ZNF607: variants seen among roughly 807,000 people sequenced by gnomAD.
The protein encoded by ZNF607 is zinc finger protein 607.
In ZNF607, 5 loss-of-function variants were observed where a neutral mutation model predicts 12.8. The ratio of observed to expected loss-of-function variants is 0.39; its 90% confidence interval spans 0.20 to 0.82. The LOEUF (loss-of-function observed/expected upper bound fraction) is 0.82. Among genes scored for constraint, ZNF607 ranks in the 40% least tolerant of loss-of-function variants. The pLI is 0.39. For synonymous variants in ZNF607, 287 were observed against 276.2 expected (o/e 1.04, Z -0.39); for missense variants, 851 against 859.2 (o/e 0.99, Z 0.12).
intron 1 of ZNF607, among the ~76,000 whole-genome samples, chr19:37,716,181 G>GT (rs1168016458): frequency 6.6e-6 from 1 of 152,080 alleles, no homozygotes; most frequent in African/African-American, 2.4e-5. Flanking sequence ...ACAAAATAGC[G>GT]TAAGAGCTCC....
At chr19:37,714,296 C>A (rs2045155995) in intron 1 of ZNF607, among the ~76,000 whole-genome samples, 1 of 136,652 alleles carries the variant, frequency 7.3e-6, no homozygotes, top group African/African-American at 2.7e-5. Context: ...CACTCCAGAG[C>A]AAGACTCCGT....
chr19:37,710,458 C>T (rs1243793054), intron 2 of ZNF607, among the ~76,000 whole-genome samples: 1 of 129,102 alleles, frequency 7.7e-6, no homozygotes, highest in Non-Finnish European at 1.6e-5. Context: ...AAGAGCGAAA[C>T]TCCATCTCAA....
At chr19:37,714,073 C>T (rs556553376) in intron 1 of ZNF607, among the ~76,000 whole-genome samples, 2 of 152,124 alleles carry the variant, frequency 1.3e-5, no homozygotes, top group East Asian at 3.9e-4. Context: ...GTAATCCCAG[C>T]ACTTTGGGAG....
chr19:37,697,211 T>C lies in ZNF607; in HGVS notation c.*829A>G. ...GTTGAGAACAGCAGTCAAAGATAAT[T>C]GGTTTTTGTACACATGGGATGAGAA... On this transcript the variant is annotated 3_prime_UTR_variant, in exon 5 of 5. Coordinates refer to ENST00000355202, the MANE Select transcript of ZNF607 (RefSeq NM_032689.5). 2 of 735,752 alleles carry C rather than the reference T, an allele frequency of 2.7e-6. No individual in the cohort carries two copies. Among genetic ancestry groups the C allele is most frequent in the East Asian group, 2.5e-5 (1 of 39,562 alleles). The allele number at this position is 735,752 out of a possible 1,614,324, so 45.6% of individuals were successfully genotyped here.
intron 4 of ZNF607, among the ~76,000 whole-genome samples, chr19:37,700,935 T>A (rs2045033976): frequency 6.6e-6 from 1 of 152,182 alleles, no homozygotes; most frequent in African/African-American, 2.4e-5. Context: ...TATATATACA[T>A]ATTTTGAAAG....
In ZNF607 at chr19:37,698,365, T is replaced by C. The variant is rs367733075; in HGVS notation, c.1766A>G (p.Tyr589Cys). ...AGTTTCCCCACATTCTTTACATTCA[T>C]AGGACTTTTCACCAGCATGAGTTCG... ...HDRTHAGEKS[Y>C]ECKECGETFS... Residue 589 changes from tyrosine (Y) to cysteine (C), a missense_variant, in exon 5 of 5, where the codon TAT (tyrosine) becomes TGT (cysteine). Tyr to Cys is a radical substitution (Grantham distance 194). Transcript: ENST00000355202. 140 of 1,613,968 alleles carry C rather than the reference T, an allele frequency of 8.7e-5. No individual in the cohort carries two copies. Among genetic ancestry groups the C allele is most frequent in the Non-Finnish European group, 1.2e-4 (137 of 1,179,998 alleles).
chr19:37,701,868 T>C (rs2045041487), intron 4 of ZNF607, among the ~76,000 whole-genome samples: 2 of 151,790 alleles, frequency 1.3e-5, no homozygotes, highest in Admixed American at 1.3e-4. Flanking sequence ...GATATAACCA[T>C]GGGGGGGAGA....
chr19:37,696,736 C>A lies in ZNF607; in HGVS notation c.*1304G>T. ...TTCCAGCTTGCACAGCTCGCTCTGG[C>A]CGTCCCCTGCAGTGGCCAGTGAGTT... On this transcript the variant is annotated 3_prime_UTR_variant, in exon 5 of 5. Coordinates refer to ENST00000355202, the MANE Select transcript of ZNF607 (RefSeq NM_032689.5). The A allele has an allele frequency of 9.7e-7, 1 of 1,031,190 alleles. No homozygotes were observed. Among genetic ancestry groups the A allele is most frequent in the Non-Finnish European group, 1.5e-6 (1 of 663,854 alleles). The allele number at this position is 1,031,190 out of a possible 1,614,324, so 63.9% of individuals were successfully genotyped here.
In ZNF607 at chr19:37,714,563, CAAAA is replaced by C. The variant is rs56081124; in HGVS notation, c.-74-2875_-74-2872del. ...TGGATGGCAGAGTGAGACCCCATCT[CAAAA>C]AAAAAAAAAAAAAAAAAGTATGCAA... On this transcript the variant is annotated intron_variant, in intron 1 of 4. Coordinates refer to ENST00000355202, the MANE Select transcript of ZNF607 (RefSeq NM_032689.5). Among the ~76,000 whole-genome samples, 526 of 108,236 alleles carry C rather than the reference CAAAA, an allele frequency of 4.9e-3. 1 individual carries two copies. The highest frequency in any genetic ancestry group is 7.6e-3 in the African/African-American group (210 of 27,780). The allele number at this position is 108,236 out of a possible 152,430, so 71.0% of individuals were successfully genotyped here. A position where few individuals can be genotyped will look rare whatever the true frequency, so the allele number is the denominator to read the frequency against.
rs943425606 is a variant in ZNF607, at chr19:37,697,704, G to C, written c.*336C>G. 2.9e-5 allele frequency: 9 copies of C among 308,582 alleles called. No homozygotes were observed. Among genetic ancestry groups the C allele is most frequent in the Non-Finnish European group, 5.4e-5 (9 of 167,720 alleles). 19.1% of individuals were successfully genotyped at this position (308,582 alleles called of 1,614,324 possible). On this transcript the variant is annotated 3_prime_UTR_variant, in exon 5 of 5. Coordinates refer to ENST00000355202, the MANE Select transcript of ZNF607 (RefSeq NM_032689.5). ...GATTGTTGCTGGAAGATGTTTACAT[G>C]CAAGTATAAAGAATGGTTTCCTACG...
chr19:37,702,211 T>C (rs1022031582), intron 4 of ZNF607, among the ~76,000 whole-genome samples: 2 of 139,920 alleles, frequency 1.4e-5, no homozygotes, highest in African/African-American at 2.7e-5. Context: ...CACTTGAACC[T>C]GGGAGGCAGA....
intron 4 of ZNF607, among the ~76,000 whole-genome samples, chr19:37,705,259 T>C (rs2045071691): frequency 6.6e-6 from 1 of 152,168 alleles, no homozygotes; most frequent in South Asian, 2.1e-4. Context: ...AACAACCCCA[T>C]GCCAATCAAT....
chr19:37,707,271 C>T (rs1022246991), intron 4 of ZNF607, among the ~76,000 whole-genome samples: 1 of 152,030 alleles, frequency 6.6e-6, no homozygotes, highest in African/African-American at 2.4e-5. Context: ...ACGGGTGGAT[C>T]GCTTGAGCCC....
intron 2 of ZNF607, among the ~76,000 whole-genome samples, chr19:37,711,103 CTG>C (rs1177717318): frequency 4.6e-5 from 7 of 152,192 alleles, no homozygotes; most frequent in African/African-American, 9.7e-5. Flanking sequence ...TCCACGATTT[CTG>C]TGTTTACAAG....
chr19:37,699,446 C>A lies in ZNF607; in HGVS notation c.685G>T (p.Glu229Ter), dbSNP rs1002946230. ...TACACACTAAAGGCCTTGCCACATT[C>A]CTTACATTCGTAGGGTTTCTCACCA... The part of the protein sequence containing the change: ...HYGEKPYECK[E>*]CGKAFSVYGR... Residue 229 changes from glutamate to a stop codon, truncating the protein, a stop_gained, in exon 5 of 5, where the codon GAA (glutamate) becomes TAA (stop). Coordinates refer to ENST00000355202, the MANE Select transcript of ZNF607 (RefSeq NM_032689.5). LOFTEE classifies it low-confidence loss of function (END_TRUNC). The A allele has an allele frequency of 6.2e-7, 1 of 1,614,060 alleles. No homozygotes were observed. The highest frequency in any genetic ancestry group is 8.5e-7 in the Non-Finnish European group (1 of 1,179,954).
At position 37,698,579 on chromosome 19, in the gene ZNF607, C is replaced by T. The variant is rs1394319523; in HGVS notation, c.1552G>A (p.Gly518Arg). The T allele has an allele frequency of 6.2e-7, 1 of 1,613,726 alleles. No individual in the cohort carries two copies. The highest frequency in any genetic ancestry group is 1.3e-5 in the African/African-American group (1 of 74,910). ...KECGKAFSVS[G>R]QLTQHLSIHS... is the part of the protein sequence containing the mutation. ...ATACTCAGATGCTGAGTAAGTTGTC[C>T]AGATACACTAAAGGCCTTCCCACAT... Residue 518 changes from glycine (G) to arginine (R), a missense_variant, in exon 5 of 5, where the codon GGA becomes AGA. Gly to Arg is a moderately radical substitution (Grantham distance 125, BLOSUM62 -2). Coordinates refer to ENST00000355202, the MANE Select transcript of ZNF607 (RefSeq NM_032689.5).
chr19:37,701,936 T>C (rs1228035842), intron 4 of ZNF607, among the ~76,000 whole-genome samples: 1 of 152,062 alleles, frequency 6.6e-6, no homozygotes. Flanking sequence ...TAAGAGTCAG[T>C]AAACTTGATT....
intron 4 of ZNF607, 77 bp from the exon 5 acceptor site, chr19:37,699,972 C>T (rs895022600): frequency 1.6e-6 from 2 of 1,281,618 alleles, no homozygotes; most frequent in Admixed American, 2.6e-5. Context: ...GAAATTCTCA[C>T]CTATTACAGA....
Position 37,698,478 on chromosome 19 carries a change from A to G in ZNF607, c.1653T>C (p.His551=). The change falls in exon 5 of 5, where the codon CAT becomes CAC. Residue 551 remains histidine (H), a synonymous_variant. Coordinates refer to ENST00000355202, the MANE Select transcript of ZNF607 (RefSeq NM_032689.5). ...SFRFISVLKA[H]QNIHSAEKPY... is the part of the protein sequence containing the mutation. ...GTTTCTCAGCGCTATGAATATTCTG[A>G]TGGGCTTTAAGTACAGAAATGAACC... 6.2e-7 allele frequency: 1 copy of G among 1,614,082 alleles called. No individual in the cohort carries two copies.
Sources: gnomAD v4.1 joint callset for allele counts (sites outside exome capture counted in the v4.1 genomes callset) on GRCh38, gnomAD v4.1.1 for gene constraint, MANE v1.5 for transcripts, NCBI Gene and HGNC (gene_info 2026-07-23, HGNC 2026-07-21) for gene names.